Variants in WWOX observed in about 807,000 individuals in gnomAD.
The protein encoded by WWOX is WW domain containing oxidoreductase.
A neutral mutation model predicts 46.2 loss-of-function variants in WWOX; 69 were observed. That is an observed-to-expected ratio of 1.49 (90% CI 1.23 to 1.82). The LOEUF (loss-of-function observed/expected upper bound fraction) is 1.82. Ranked by LOEUF, WWOX falls within the 40% of genes most tolerant of loss-of-function variation. The probability of loss-of-function intolerance (pLI) is 0.00; values close to 1 mark genes in which losing one functional copy is unlikely to be tolerated. For synonymous variants in WWOX, 359 were observed against 202.6 expected (o/e 1.77, Z -6.56); for missense variants, 919 against 542.6 (o/e 1.69, Z -6.89).
intron 8 of WWOX, among the ~76,000 whole-genome samples, chr16:78,764,457 G>T (rs1236700581): frequency 6.7e-6 from 1 of 150,150 alleles, no homozygotes; most frequent in African/African-American, 2.5e-5. Flanking sequence ...TTCTGGGAGT[G>T]GGTTTGTAAA....
At chr16:78,817,466 T>G (rs2051365867) in intron 8 of WWOX, among the ~76,000 whole-genome samples, 1 of 152,184 alleles carries the variant, frequency 6.6e-6, no homozygotes, top group Non-Finnish European at 1.5e-5. Context: ...TCGGAAGAGT[T>G]GGCTTCTCTG....
intron 5 of WWOX, among the ~76,000 whole-genome samples, chr16:78,303,025 G>A (rs1371192452): frequency 2.0e-5 from 3 of 152,134 alleles, no homozygotes; most frequent in South Asian, 2.1e-4. Flanking sequence ...TTTTCATTTG[G>A]GAAGATAGAT....
intron 8 of WWOX, among the ~76,000 whole-genome samples, chr16:79,024,585 C>A (rs1290807479): frequency 6.6e-6 from 1 of 152,128 alleles, no homozygotes; most frequent in African/African-American, 2.4e-5. Flanking sequence ...AGGCACCCAC[C>A]ACCATGCCTG....
At chr16:78,123,456 T>TTTTTTTTTTTTTTTTTTTTTTTTTTTTG (rs2033215930) in intron 4 of WWOX, 2 of 14,438 alleles carry the variant, frequency 1.4e-4, no homozygotes, top group East Asian at 2.1e-3. Flanking sequence ...TTTTTTTTTG[T>TTTTTTTTTTTTTTTTTTTTTTTTTTTTG]TTTTTTTTTT....
intron 8 of WWOX, among the ~76,000 whole-genome samples, chr16:78,460,616 G>A (rs371642963): frequency 2.6e-5 from 4 of 152,308 alleles, no homozygotes; most frequent in African/African-American, 9.6e-5. Context: ...CTTGGAGCTT[G>A]AAAGAGGGAG....
At chr16:78,608,377 G>C (rs1453608992) in intron 8 of WWOX, among the ~76,000 whole-genome samples, 1 of 152,188 alleles carries the variant, frequency 6.6e-6, no homozygotes, top group Non-Finnish European at 1.5e-5. Flanking sequence ...TTGCAAGTCT[G>C]TTTGAATCCC....
intron 8 of WWOX, among the ~76,000 whole-genome samples, chr16:78,435,636 T>C (rs2083318633): frequency 6.6e-6 from 1 of 152,160 alleles, no homozygotes; most frequent in Admixed American, 6.5e-5. Flanking sequence ...GACGTGAGCA[T>C]TTCCCTTGTA....
At chr16:78,940,884 C>T (rs1002144884) in intron 8 of WWOX, among the ~76,000 whole-genome samples, 2 of 151,994 alleles carry the variant, frequency 1.3e-5, no homozygotes, top group Non-Finnish European at 2.9e-5. Context: ...CATGTATTTT[C>T]AGTCACTCTT....
intron 5 of WWOX, among the ~76,000 whole-genome samples, chr16:78,244,435 A>G (rs2037754731): frequency 6.6e-6 from 1 of 152,212 alleles, no homozygotes; most frequent in African/African-American, 2.4e-5. Flanking sequence ...TTGGCAAAAG[A>G]TCTAAGCTGT....
chr16:78,502,556 G>A (rs897314601), intron 8 of WWOX, among the ~76,000 whole-genome samples: 3 of 152,164 alleles, frequency 2.0e-5, no homozygotes, highest in Admixed American at 6.5e-5. Context: ...CCATTGTATG[G>A]ATATACCACA....
intron 8 of WWOX, among the ~76,000 whole-genome samples, chr16:78,938,962 T>C (rs968176889): frequency 1.3e-5 from 2 of 152,082 alleles, no homozygotes; most frequent in African/African-American, 4.8e-5. Context: ...AAAGGTAGAA[T>C]ATGAAGTGTA....
intron 8 of WWOX, among the ~76,000 whole-genome samples, chr16:78,894,381 A>T (rs1191797688): frequency 6.6e-6 from 1 of 152,168 alleles, no homozygotes; most frequent in Non-Finnish European, 1.5e-5. Context: ...TATAATATTG[A>T]ACTTCAAAGT....
In WWOX at chr16:78,887,296, C is replaced by CT. The variant is rs558915999; in HGVS notation, c.1057-324311dup. ...CAATTCCCCTGTGGATTTCTCCTGACTCTCTATGCAGCCCAACTCTATTTT... is the reference window on the plus strand; with the variant it reads ...CAATTCCCCTGTGGATTTCTCCTGACTTCTCTATGCAGCCCAACTCTATTTT... On this transcript the variant is annotated intron_variant, in intron 8 of 8. Coordinates refer to ENST00000566780, the MANE Select transcript of WWOX (RefSeq NM_016373.4). Among the ~76,000 whole-genome samples the CT allele has an allele frequency of 2.8e-3, 422 of 152,094 alleles. 3 individuals carry two copies. Among genetic ancestry groups the CT allele is most frequent in the Middle Eastern group, 0.01 (3 of 294 alleles).
intron 8 of WWOX, among the ~76,000 whole-genome samples, chr16:78,563,854 T>G (rs2044499223): frequency 6.9e-6 from 1 of 143,932 alleles, no homozygotes; most frequent in African/African-American, 2.5e-5. Context: ...GATCTCGCCC[T>G]CCAAAGGTGA....
chr16:78,702,007 T>C (rs1392617161), intron 8 of WWOX, among the ~76,000 whole-genome samples: 1 of 57,630 alleles, frequency 1.7e-5, no homozygotes, highest in African/African-American at 6.6e-5. Context: ...CTACATAAAA[T>C]TATATATATA....
rs1263877025 is a variant in WWOX, at chr16:78,422,684, T to TATAC, written c.606-2185_606-2184insTACA. 4.3e-4 allele frequency among the ~76,000 whole-genome samples: 23 copies of TATAC among 52,970 alleles called. 3 individuals carry two copies. The highest frequency in any genetic ancestry group is 3.4e-3 in the East Asian group (7 of 2,068). The allele number at this position is 52,970 out of a possible 152,430, so 34.8% of individuals were successfully genotyped here. ...ACATGTATATATATATATATATATA[T>TATAC]ACACACACACACACACATATATATA... On this transcript the variant is annotated intron_variant, in intron 6 of 8. Transcript: ENST00000566780.
intron 8 of WWOX, among the ~76,000 whole-genome samples, chr16:79,003,013 T>A (rs1380088543): frequency 6.6e-6 from 1 of 152,194 alleles, no homozygotes; most frequent in Non-Finnish European, 1.5e-5. Flanking sequence ...TGCACCCAGC[T>A]CGCCAATGCA....
intron 8 of WWOX, among the ~76,000 whole-genome samples, chr16:78,469,772 T>A (rs149165995): frequency 1.3e-4 from 20 of 152,304 alleles, no homozygotes; most frequent in South Asian, 1.2e-3. Flanking sequence ...TTTCCCTGTT[T>A]CCCTAAGAAG....
intron 6 of WWOX, among the ~76,000 whole-genome samples, chr16:78,398,263 T>C (rs992048799): frequency 6.6e-6 from 1 of 152,114 alleles, no homozygotes; most frequent in Non-Finnish European, 1.5e-5. Flanking sequence ...TGGGATCTGA[T>C]CCCTTCTCCC....
Sources: gnomAD v4.1 joint callset for allele counts (sites outside exome capture counted in the v4.1 genomes callset) on GRCh38, gnomAD v4.1.1 for gene constraint, MANE v1.5 for transcripts, NCBI Gene and HGNC (gene_info 2026-07-23, HGNC 2026-07-21) for gene names.